Variants in RNF217 observed in about 807,000 individuals in gnomAD.
RNF217 encodes the protein E3 ubiquitin-protein ligase RNF217.
In RNF217, 31 loss-of-function variants were observed where a neutral mutation model predicts 57.8. That is an observed-to-expected ratio of 0.54 (90% CI 0.40 to 0.72). RNF217 has a LOEUF of 0.72. RNF217 is among the 30% of genes least tolerant of loss of function. The pLI is 0.00. For synonymous variants in RNF217, 313 were observed against 294.0 expected, an observed-to-expected ratio of 1.06 and a Z score of -0.66; for missense variants, 696 against 708.3, an observed-to-expected ratio of 0.98 and a Z score of 0.20.
chr6:125,074,533 A>C (rs56007458), intron 3 of RNF217, among the ~76,000 whole-genome samples: 2,176 of 152,332 alleles, frequency 0.014, 46 homozygotes, highest in African/African-American at 0.048. Flanking sequence ...AATACTGCAC[A>C]TAATTTGGAG....
intron 1 of RNF217, among the ~76,000 whole-genome samples, chr6:124,987,310 T>A (rs189255925): frequency 2.6e-5 from 4 of 152,314 alleles, no homozygotes; most frequent in Non-Finnish European, 5.9e-5. Context: ...CCAGTATCAC[T>A]ACCTAATTTT....
At chr6:124,963,905 T>TA (rs1251137589) in intron 1 of RNF217, among the ~76,000 whole-genome samples, 3 of 152,250 alleles carry the variant, frequency 2.0e-5, no homozygotes, top group Admixed American at 2.0e-4. Context: ...AGTGAATGTT[T>TA]AAAAAAATGT....
rs114345326 is a variant in RNF217 at position 124,979,928 on chromosome 6, C to T, written c.882+16502C>T. Reference sequence around the variant, plus strand: ...GATGGCTCTGTCTCATGTCCTGTCACTTACTGGATCTTTGCCTTTAAAAAG... The same window carrying T: ...GATGGCTCTGTCTCATGTCCTGTCATTTACTGGATCTTTGCCTTTAAAAAG... On this transcript the variant is annotated intron_variant, in intron 1 of 5. Transcript: ENST00000521654. 3.1e-3 allele frequency among the ~76,000 whole-genome samples: 474 copies of T among 152,280 alleles called. 3 individuals carry two copies. The highest frequency in any genetic ancestry group is 0.011 in the African/African-American group (447 of 41,558).
intron 1 of RNF217, among the ~76,000 whole-genome samples, chr6:124,978,450 G>A (rs552711921): frequency 8.6e-5 from 13 of 151,402 alleles, no homozygotes; most frequent in African/African-American, 2.4e-4. Flanking sequence ...AGGGGAATGC[G>A]GTGGTGCCTG....
chr6:125,079,667 G>GA (rs1373591731), intron 4 of RNF217, among the ~76,000 whole-genome samples: 1 of 152,066 alleles, frequency 6.6e-6, no homozygotes, highest in Non-Finnish European at 1.5e-5. Context: ...TTAATGAATT[G>GA]AAATTTTGTA....
intron 1 of RNF217, among the ~76,000 whole-genome samples, chr6:125,014,943 A>G (rs1418195399): frequency 6.6e-6 from 1 of 152,146 alleles, no homozygotes; most frequent in Non-Finnish European, 1.5e-5. Flanking sequence ...AATCCTCTTC[A>G]GGCCACCTGT....
intron 1 of RNF217, among the ~76,000 whole-genome samples, chr6:125,034,217 A>T (rs1582734032): frequency 6.6e-6 from 1 of 151,750 alleles, no homozygotes; most frequent in East Asian, 1.9e-4. Context: ...CCATTTGTCA[A>T]TTTTTTCTTT....
At chr6:124,978,302 C>T (rs1238578865) in intron 1 of RNF217, among the ~76,000 whole-genome samples, 1 of 151,910 alleles carries the variant, frequency 6.6e-6, no homozygotes, top group African/African-American at 2.4e-5. Context: ...TGGGCTTGCT[C>T]CACCTGCTTA....
In RNF217 at chr6:125,060,467, CAG is replaced by C. The variant is rs1485492205; in HGVS notation, c.1281+2364_1281+2365del. The stretch of plus-strand genomic sequence containing the variant: ...TGTTATTTATTTATTTATTTTGAGA[CAG>C]AGTCTTGCTCTGTTTCCCAGCCTGG... On this transcript the variant is annotated intron_variant, in intron 3 of 5. Coordinates refer to ENST00000521654, the MANE Select transcript of RNF217 (RefSeq NM_001286398.3). 2.6e-5 allele frequency among the ~76,000 whole-genome samples: 4 copies of C among 152,114 alleles called. No individual in the cohort carries two copies. The East Asian group carries it at 7.7e-4, about 29-fold the overall frequency.
At chr6:125,045,181 T>A in intron 1 of RNF217, 30 bp from the exon 2 acceptor site, 1 of 1,472,104 alleles carries the variant, frequency 6.8e-7, no homozygotes, top group South Asian at 1.2e-5. Flanking sequence ...GTGACGTTTT[T>A]TTCCTTCCAT....
At chr6:124,966,138 G>A (rs1783530153) in intron 1 of RNF217, among the ~76,000 whole-genome samples, 1 of 152,184 alleles carries the variant, frequency 6.6e-6, no homozygotes, top group African/African-American at 2.4e-5. Context: ...ATTAAACTTA[G>A]AATTTAAGAG....
At chr6:125,026,734 C>T (rs749804095) in intron 1 of RNF217, among the ~76,000 whole-genome samples, 3 of 152,042 alleles carry the variant, frequency 2.0e-5, no homozygotes, top group Non-Finnish European at 4.4e-5. Flanking sequence ...TTAAACTCTG[C>T]AAGAATTGCA....
rs1466860493 is a variant in RNF217, at chr6:125,084,855, T to G, written c.*1918T>G. On this transcript the variant is annotated 3_prime_UTR_variant, in exon 6 of 6. Coordinates refer to ENST00000521654, the MANE Select transcript of RNF217 (RefSeq NM_001286398.3). ...ATCCATTTAACAGATATTTATTGAG[T>G]GCCTATCTTAGGTGTAATAGTATTT... 1 of 151,918 alleles carries G rather than the reference T, an allele frequency of 6.6e-6. No homozygotes were observed. The highest frequency in any genetic ancestry group is 1.5e-5 in the Non-Finnish European group (1 of 67,852). 9.4% of individuals were successfully genotyped at this position (151,918 alleles called of 1,614,324 possible).
chr6:125,032,805 G>A (rs890949060), intron 1 of RNF217, among the ~76,000 whole-genome samples: 8 of 152,136 alleles, frequency 5.3e-5, no homozygotes, highest in Non-Finnish European at 1.2e-4. Flanking sequence ...CAGATAGTAA[G>A]GAGGGAAGAA....
At chr6:124,993,261 G>C (rs1784628855) in intron 1 of RNF217, among the ~76,000 whole-genome samples, 1 of 152,140 alleles carries the variant, frequency 6.6e-6, no homozygotes, top group South Asian at 2.1e-4. Context: ...TGTGTCCCAG[G>C]AATCTGTATT....
chr6:125,016,381 C>T (rs78799143), intron 1 of RNF217, among the ~76,000 whole-genome samples: 1 of 152,148 alleles, frequency 6.6e-6, no homozygotes, highest in East Asian at 1.9e-4. Context: ...GTGGGATATA[C>T]TAAAGCTGTG....
At chr6:125,024,092 A>T (rs1785966381) in intron 1 of RNF217, among the ~76,000 whole-genome samples, 1 of 152,220 alleles carries the variant, frequency 6.6e-6, no homozygotes, top group East Asian at 1.9e-4. Flanking sequence ...CTGCAAATAA[A>T]TAAATATGTG....
chr6:124,973,302 G>A (rs140334377), intron 1 of RNF217, among the ~76,000 whole-genome samples: 25 of 152,144 alleles, frequency 1.6e-4, no homozygotes, highest in African/African-American at 4.1e-4. Context: ...GGTTAATTTC[G>A]CTTCACTGAC....
chr6:125,077,386 TATA>T (rs1788418239), intron 4 of RNF217, among the ~76,000 whole-genome samples: 1 of 152,180 alleles, frequency 6.6e-6, no homozygotes, highest in Non-Finnish European at 1.5e-5. Context: ...TAACAGTTAA[TATA>T]ATAAGTATCA....
Sources: allele counts gnomAD v4.1 joint callset (sites outside exome capture counted in the v4.1 genomes callset), GRCh38; gene constraint gnomAD v4.1.1; transcripts MANE v1.5; gene names NCBI Gene and HGNC (gene_info 2026-07-23, HGNC 2026-07-21).